Variants in CCDC157 observed in about 807,000 individuals in gnomAD.
CCDC157 encodes coiled-coil domain containing 157.
A neutral mutation model predicts 70.9 loss-of-function variants in CCDC157; 60 were observed. The ratio of observed to expected loss-of-function variants is 0.85; its 90% CI spans 0.69 to 1.05. The LOEUF is 1.05. Ranked by LOEUF, CCDC157 falls within the 50% of genes least tolerant of loss-of-function variation. The pLI, the probability that CCDC157 is intolerant of heterozygous loss-of-function variation, is 0.00. For synonymous variants in CCDC157, 373 were observed against 422.4 expected, an observed-to-expected ratio of 0.88 and a Z score of 1.43; for missense variants, 943 against 984.2, an observed-to-expected ratio of 0.96 and a Z score of 0.56.
intron 7 of CCDC157, 45 bp from the exon 8 acceptor site, chr22:30,373,552 G>T (rs1447831026): frequency 6.5e-7 from 1 of 1,548,566 alleles, no homozygotes; most frequent in South Asian, 1.2e-5. Flanking sequence ...GCTGGGCCTA[G>T]CCCTGTGGGT....
rs915763891 is a variant in CCDC157, at chr22:30,371,424, G to A, written c.1046-226G>A. ...CCTCATCACAGTTGCCTCCATGGACGACACCAAGGCCCAGAGAGGTGTAGA... is the reference window on the plus strand; with the variant it reads ...CCTCATCACAGTTGCCTCCATGGACAACACCAAGGCCCAGAGAGGTGTAGA... On this transcript the variant is annotated intron_variant, in intron 5 of 11. Coordinates refer to ENST00000338306, the MANE Select transcript of CCDC157 (RefSeq NM_001017437.5). 7.1e-6 allele frequency: 4 copies of A among 566,396 alleles called. No homozygotes were observed. In the East Asian group the frequency reaches 8.6e-5, roughly 12 times the overall value. The allele number at this position is 566,396 out of a possible 1,614,324, so 35.1% of individuals were successfully genotyped here. A position where few individuals can be genotyped will look rare whatever the true frequency, so the allele number is the denominator to read the frequency against.
chr22:30,376,024 C>CA (rs772545880), intron 10 of CCDC157: 112,193 of 454,992 alleles, frequency 0.25, 3,610 homozygotes, highest in Middle Eastern at 0.32. Flanking sequence ...CCCGTTTCTA[C>CA]AAAAAAAAAA....
chr22:30,363,085 G>A (rs189278216), intron 2 of CCDC157, among the ~76,000 whole-genome samples: 6 of 152,302 alleles, frequency 3.9e-5, no homozygotes, highest in East Asian at 1.9e-4. Context: ...CTCAGCATCC[G>A]CATAGCTGCC....
chr22:30,375,400 A>T, intron 9 of CCDC157, 79 bp from the exon 10 acceptor site: 1 of 1,408,042 alleles, frequency 7.1e-7, no homozygotes, highest in Non-Finnish European at 1.0e-6. Flanking sequence ...CTGGTGCACT[A>T]CACAGCTCCT....
At chr22:30,373,881 T>C in intron 8 of CCDC157, 42 bp from the exon 9 acceptor site, 1 of 1,580,068 alleles carries the variant, frequency 6.3e-7, no homozygotes, top group Non-Finnish European at 8.6e-7. Context: ...GAGTACCATG[T>C]AGCTCACTCA....
intron 3 of CCDC157, 153 bp downstream of exon 3, chr22:30,366,401 C>G (rs2145893132): frequency 3.5e-6 from 3 of 867,828 alleles, no homozygotes; most frequent in Non-Finnish European, 5.5e-6. Context: ...TCAGGACTTT[C>G]AAAGTGGTCT....
rs1601730777 is a variant in CCDC157 at position 30,369,098 on chromosome 22, C to T, written c.249-334C>T. 5 of 191,174 alleles carry T rather than the reference C, an allele frequency of 2.6e-5. No individual in the cohort carries two copies. In the East Asian group the frequency reaches 6.1e-4, roughly 23 times the overall value. 11.8% of individuals were successfully genotyped at this position (191,174 alleles called of 1,614,324 possible). A position where few individuals can be genotyped will look rare whatever the true frequency, so the allele number is the denominator to read the frequency against. Reference sequence around the variant, plus strand: ...TCCGGGCCACTGGATATAAGGCAGCCATTCACCCAGAACTTTTCAAGGACT... The same window carrying T: ...TCCGGGCCACTGGATATAAGGCAGCTATTCACCCAGAACTTTTCAAGGACT... On this transcript the variant is annotated intron_variant, in intron 3 of 11. Coordinates refer to ENST00000338306, the MANE Select transcript of CCDC157 (RefSeq NM_001017437.5).
intron 1 of CCDC157, among the ~76,000 whole-genome samples, chr22:30,360,783 C>T (rs1162361426): frequency 6.6e-6 from 1 of 151,996 alleles, no homozygotes; most frequent in Non-Finnish European, 1.5e-5. Flanking sequence ...CATGGTGGCT[C>T]ATACCTATAA....
In CCDC157 at chr22:30,370,355, C is replaced by T. The variant is rs762685385; in HGVS notation, c.450C>T (p.Thr150=). The part of the protein sequence containing the change: ...QKGANQRETP[T]SKPTTKGEPA... Reference sequence around the variant, plus strand: ...GGGCAAACCAAAGGGAGACTCCCACCTCCAAGCCCACCACCAAGGGCGAGC... The same window carrying T: ...GGGCAAACCAAAGGGAGACTCCCACTTCCAAGCCCACCACCAAGGGCGAGC... The change falls in exon 5 of 12, where the codon ACC becomes ACT. Residue 150 remains threonine (T), a synonymous_variant. Transcript: ENST00000338306. 2.5e-6 allele frequency: 4 copies of T among 1,613,998 alleles called. No homozygotes were observed. Among genetic ancestry groups the T allele is most frequent in the Non-Finnish European group, 3.4e-6 (4 of 1,179,992 alleles).
intron 1 of CCDC157, among the ~76,000 whole-genome samples, chr22:30,358,328 C>G (rs1039181397): frequency 6.6e-6 from 1 of 152,190 alleles, no homozygotes; most frequent in Non-Finnish European, 1.5e-5. Flanking sequence ...TCATGTGTTA[C>G]GTCATTTATT....
At position 30,372,111 on chromosome 22, in the gene CCDC157, G is replaced by A. The variant is rs745435347; in HGVS notation, c.1160G>A (p.Arg387His). Reference protein sequence around the residue: ...KAQQLQEEGERRAAAERQVQQ... With the variant: ...KAQQLQEEGEHRAAAERQVQQ... ...CAGCAGCTGCAGGAGGAAGGTGAGCGCAGGGCGGCAGCGGAGAGGCAGGTG... is the reference window on the plus strand; with the variant it reads ...CAGCAGCTGCAGGAGGAAGGTGAGCACAGGGCGGCAGCGGAGAGGCAGGTG... The change falls in exon 7 of 12, where the codon CGC (arginine) becomes CAC (histidine). Residue 387 changes from arginine (R) to histidine (H), a missense_variant. By Grantham distance (29) the Arg-to-His change is conservative. Transcript: ENST00000338306. 13 of 1,555,422 alleles carry A rather than the reference G, an allele frequency of 8.4e-6. No homozygotes were observed. The highest frequency in any genetic ancestry group is 8.3e-5 in the South Asian group (7 of 84,378).
At chr22:30,365,076 C>T (rs570754691) in intron 2 of CCDC157, among the ~76,000 whole-genome samples, 3 of 152,280 alleles carry the variant, frequency 2.0e-5, no homozygotes, top group South Asian at 2.1e-4. Context: ...GAGAGAAGGC[C>T]ATTCCAGCAG....
rs780299712 is a variant in CCDC157, at chr22:30,369,570, G to C, written c.387G>C (p.Arg129Ser). 90 of 1,589,362 alleles carry C rather than the reference G, an allele frequency of 5.7e-5. No homozygotes were observed. The African/African-American group carries it at 1.1e-3, about 19-fold the overall frequency. ...TVRRFWDSLL[R>S]LGTLHQQPLP... is the part of the protein sequence containing the mutation. ...GGCGCTTCTGGGACAGCCTGCTGAGGCTGGGCACGCTCCACCAGCAGCCAC... is the reference window on the plus strand; with the variant it reads ...GGCGCTTCTGGGACAGCCTGCTGAGCCTGGGCACGCTCCACCAGCAGCCAC... The change falls in exon 4 of 12, where the codon AGG (arginine) becomes AGC (serine). Residue 129 changes from arginine (R) to serine (S), a missense_variant. Transcript: ENST00000338306.
chr22:30,370,531 T>A lies in CCDC157; in HGVS notation c.626T>A (p.Val209Asp), dbSNP rs1291026105. The A allele has an allele frequency of 8.7e-6, 14 of 1,613,920 alleles. No individual in the cohort carries two copies. Among genetic ancestry groups the A allele is most frequent in the Non-Finnish European group, 1.2e-5 (14 of 1,180,032 alleles). Residue 209 changes from valine (V) to aspartate (D), a missense_variant, in exon 5 of 12, where the codon GTC (valine) becomes GAC (aspartate). Transcript: ENST00000338306. ...ACGACCTTCAAGAACACCAGGAGTG[T>A]CCACTCCCAGACCATTGAGACGGCC... ...PATTFKNTRSVHSQTIETALV... is the reference protein window; with the variant it reads ...PATTFKNTRSDHSQTIETALV...
upstream of CCDC157, chr22:30,356,707 G>C (rs5994293): frequency 1.4e-6 from 2 of 1,461,926 alleles, no homozygotes; most frequent in Non-Finnish European, 9.1e-7. Flanking sequence ...CCGGCTGCAG[G>C]CTGAGGGGCG....
At chr22:30,371,000 C>G in intron 5 of CCDC157, 50 bp downstream of exon 5, 4 of 1,548,338 alleles carry the variant, frequency 2.6e-6, no homozygotes, top group Non-Finnish European at 3.5e-6. Flanking sequence ...TCTGCCACAG[C>G]CTTTGCATGG....
At chr22:30,358,932 T>C (rs538470374) in intron 1 of CCDC157, among the ~76,000 whole-genome samples, 4 of 152,360 alleles carry the variant, frequency 2.6e-5, no homozygotes, top group African/African-American at 9.6e-5. Flanking sequence ...TGTATCTGCA[T>C]GACTTCAATT....
In CCDC157 at chr22:30,375,524, A is replaced by G; in HGVS notation, c.1718A>G (p.Asp573Gly). 6.2e-7 allele frequency: 1 copy of G among 1,614,132 alleles called. No homozygotes were observed. The change falls in exon 10 of 12, where the codon GAC becomes GGC. Residue 573 changes from aspartate (D) to glycine (G), a missense_variant. Asp to Gly is a moderately conservative substitution (Grantham distance 94). Transcript: ENST00000338306. Reference sequence around the variant, plus strand: ...GAATCCCAGATAACATGTCCCACAGACTCTGGCAACGTCACAGATCACATG... The same window carrying G: ...GAATCCCAGATAACATGTCCCACAGGCTCTGGCAACGTCACAGATCACATG... ...SVESQITCPT[D>G]SGNVTDHMER...
chr22:30,368,081 G>C (rs1932793415), intron 3 of CCDC157, among the ~76,000 whole-genome samples: 1 of 152,154 alleles, frequency 6.6e-6, no homozygotes, highest in Admixed American at 6.6e-5. Flanking sequence ...CAACCTTAAA[G>C]CCGTGACGGC....
Sources: gnomAD v4.1 joint callset for allele counts (sites outside exome capture counted in the v4.1 genomes callset) on GRCh38, gnomAD v4.1.1 for gene constraint, MANE v1.5 for transcripts, NCBI Gene and HGNC (gene_info 2026-07-23, HGNC 2026-07-21) for gene names.